Variants in NRXN3 observed in about 807,000 individuals in gnomAD.
NRXN3 encodes the protein neurexin 3.
Under a neutral mutation model 137.6 loss-of-function variants are expected in NRXN3, and 32 were observed. The ratio of observed to expected loss-of-function variants is 0.23; its 90% CI spans 0.18 to 0.31. The LOEUF (loss-of-function observed/expected upper bound fraction) is 0.31, where lower values mean the gene tolerates loss of function less well. NRXN3 is among the 10% of genes least tolerant of loss of function. NRXN3 has a pLI of 1.00. For synonymous variants in NRXN3, 798 were observed against 784.5 expected, an observed-to-expected ratio of 1.02 and a Z score of -0.29; for missense variants, 1,574 against 2,062.5, an observed-to-expected ratio of 0.76 and a Z score of 4.59.
At chr14:79,358,636 A>AGAAAGAAG (rs2093558117) in intron 15 of NRXN3, among the ~76,000 whole-genome samples, 2 of 150,752 alleles carry the variant, frequency 1.3e-5, no homozygotes, top group African/African-American at 2.4e-5. Context: ...AAAGAAAGAA[A>AGAAAGAAG]GAAAGAAAGA....
intron 16 of NRXN3, among the ~76,000 whole-genome samples, chr14:79,578,868 A>G (rs191395118): frequency 1.3e-5 from 2 of 152,216 alleles, no homozygotes; most frequent in African/African-American, 4.8e-5. Context: ...TCAAGAATCT[A>G]TATGTACAGT....
At chr14:79,515,018 T>C (rs2096968937) in intron 16 of NRXN3, among the ~76,000 whole-genome samples, 1 of 150,530 alleles carries the variant, frequency 6.6e-6, no homozygotes, top group African/African-American at 2.5e-5. Flanking sequence ...CTTCAGTCTT[T>C]GTTTCCTCAT....
chr14:79,111,838 A>C (rs368930145), intron 15 of NRXN3, among the ~76,000 whole-genome samples: 16 of 152,300 alleles, frequency 1.1e-4, no homozygotes, highest in Admixed American at 2.0e-4. Context: ...GAAAAAAGGA[A>C]AGCTTTGAAG....
chr14:79,279,843 T>C (rs2080960323), intron 15 of NRXN3: 3 of 1,000,324 alleles, frequency 3.0e-6, no homozygotes, highest in African/African-American at 1.7e-5. Context: ...GATGTTGGGA[T>C]AAACTCACCT....
At chr14:79,654,595 C>G (rs2098496059) in intron 16 of NRXN3, among the ~76,000 whole-genome samples, 1 of 152,206 alleles carries the variant, frequency 6.6e-6, no homozygotes, top group Admixed American at 6.6e-5. Context: ...TTGCTGATCT[C>G]TGCTCTAGGC....
At chr14:79,662,267 A>G (rs2098537893) in intron 16 of NRXN3, among the ~76,000 whole-genome samples, 1 of 152,166 alleles carries the variant, frequency 6.6e-6, no homozygotes, top group African/African-American at 2.4e-5. Context: ...TAATTTGGAA[A>G]ACTAAAGAAA....
chr14:78,826,145 T>C (rs2098965897), intron 10 of NRXN3, among the ~76,000 whole-genome samples: 2 of 152,208 alleles, frequency 1.3e-5, no homozygotes, highest in African/African-American at 4.8e-5. Context: ...TACAGGACCA[T>C]TTACATTATT....
intron 15 of NRXN3, among the ~76,000 whole-genome samples, chr14:79,323,510 A>G (rs2090377969): frequency 6.6e-6 from 1 of 152,214 alleles, no homozygotes; most frequent in Non-Finnish European, 1.5e-5. Context: ...TAGGGTTCCC[A>G]TATTTAGTTT....
intron 15 of NRXN3, among the ~76,000 whole-genome samples, chr14:79,375,727 C>T (rs1266434563): frequency 1.3e-5 from 2 of 152,060 alleles, no homozygotes; most frequent in Non-Finnish European, 2.9e-5. Context: ...CAGCAATCTA[C>T]TTCCCAACCT....
intron 15 of NRXN3, among the ~76,000 whole-genome samples, chr14:79,299,481 CAAAT>C (rs1194199982): frequency 6.6e-6 from 1 of 152,132 alleles, no homozygotes; most frequent in Non-Finnish European, 1.5e-5. Context: ...AATATGCAAA[CAAAT>C]GAGTGTGAGT....
At chr14:78,509,254 G>A (rs558824085) in intron 4 of NRXN3, among the ~76,000 whole-genome samples, 4 of 152,238 alleles carry the variant, frequency 2.6e-5, no homozygotes, top group Non-Finnish European at 2.9e-5. Flanking sequence ...AGCCAAGATC[G>A]TGCTACTGCA....
Position 79,648,015 on chromosome 14 carries a change from G to T in NRXN3, c.3445-15763G>T, listed in dbSNP as rs1489751638. On this transcript the variant is annotated intron_variant, in intron 16 of 20. Transcript: ENST00000335750. ...AAGGGTTAAAAAAACAAAAAAGTTT[G>T]CAAGAGACAGACAAGTTATTTGAAC... Among the ~76,000 whole-genome samples the T allele has an allele frequency of 3.0e-5, 4 of 135,058 alleles. 1 individual carries two copies. Among genetic ancestry groups the T allele is most frequent in the Non-Finnish European group, 6.9e-5 (4 of 58,180 alleles). The allele number at this position is 135,058 out of a possible 152,430, so 88.6% of individuals were successfully genotyped here.
At chr14:78,489,638 A>G (rs1001171839) in intron 4 of NRXN3, among the ~76,000 whole-genome samples, 1 of 152,222 alleles carries the variant, frequency 6.6e-6, no homozygotes, top group African/African-American at 2.4e-5. Flanking sequence ...ATCTTTTCTC[A>G]GAATAAAATC....
rs879873306 is a variant in NRXN3 at position 79,767,660 on chromosome 14, A to G, written c.4015-37452A>G. The stretch of plus-strand genomic sequence containing the variant: ...ATATGTATTAATTCACTTAATTCTC[A>G]TAACAGTCCCTATTAAATGGATAAC... On this transcript the variant is annotated intron_variant, in intron 19 of 20. Coordinates refer to ENST00000335750, the MANE Select transcript of NRXN3 (RefSeq NM_001330195.2). Among the ~76,000 whole-genome samples, 4 of 152,354 alleles carry G rather than the reference A, an allele frequency of 2.6e-5. No homozygotes were observed. In the South Asian group the frequency reaches 6.2e-4, roughly 24 times the overall value.
At chr14:79,697,998 T>C in intron 19 of NRXN3, 61 bp downstream of exon 19, 1 of 1,445,234 alleles carries the variant, frequency 6.9e-7, no homozygotes. Flanking sequence ...ATTGTTATCA[T>C]GGTCATTGCT....
chr14:78,685,331 C>A lies in NRXN3; in HGVS notation c.1222-23886C>A, dbSNP rs558904879. The stretch of plus-strand genomic sequence containing the variant: ...ATGTAAGAGGCACATATGCTCCTAT[C>A]TACTCAAAACCCTCCAGTGGCTTTC... On this transcript the variant is annotated intron_variant, in intron 6 of 20. Coordinates refer to ENST00000335750, the MANE Select transcript of NRXN3 (RefSeq NM_001330195.2). 5.3e-5 allele frequency among the ~76,000 whole-genome samples: 8 copies of A among 152,312 alleles called. 1 individual carries two copies. In the East Asian group the frequency reaches 1.5e-3, roughly 29 times the overall value.
chr14:79,777,624 T>TA (rs2099101124), intron 19 of NRXN3, among the ~76,000 whole-genome samples: 2 of 152,114 alleles, frequency 1.3e-5, no homozygotes, highest in Non-Finnish European at 2.9e-5. Flanking sequence ...GAATTTTTTT[T>TA]ATCTATTTCT....
At chr14:79,633,423 T>G (rs1294093163) in intron 16 of NRXN3, 3 of 151,768 alleles carry the variant, frequency 2.0e-5, no homozygotes, top group Non-Finnish European at 4.4e-5. Context: ...CAGTTATTTT[T>G]GTATATGCTT....
chr14:78,697,357 T>C (rs893243276), intron 6 of NRXN3, among the ~76,000 whole-genome samples: 1 of 152,006 alleles, frequency 6.6e-6, no homozygotes, highest in Non-Finnish European at 1.5e-5. Flanking sequence ...ATTCTCTGCC[T>C]ATAATTTTAT....
Sources: gnomAD v4.1 joint callset for allele counts (sites outside exome capture counted in the v4.1 genomes callset) on GRCh38, gnomAD v4.1.1 for gene constraint, MANE v1.5 for transcripts, NCBI Gene and HGNC (gene_info 2026-07-23, HGNC 2026-07-21) for gene names.